The following ERBB4 variants were observed in gnomAD, a reference collection of about 807,000 sequenced individuals.
The protein encoded by ERBB4 is erb-b2 receptor tyrosine kinase 4.
A neutral mutation model predicts 158.0 loss-of-function variants in ERBB4; 42 were observed. The observed-to-expected ratio is 0.27, with a 90% CI of 0.21 to 0.34. ERBB4 has a LOEUF of 0.34. Among genes scored for constraint, ERBB4 ranks in the 10% least tolerant of loss-of-function variants. ERBB4 has a pLI of 1.00. For synonymous variants in ERBB4, 583 were observed against 558.7 expected, an observed-to-expected ratio of 1.04 and a Z score of -0.61; for missense variants, 1,333 against 1,624.1, an observed-to-expected ratio of 0.82 and a Z score of 3.08.
chr2:211,786,380 A>C (rs2106314748), intron 4 of ERBB4, among the ~76,000 whole-genome samples: 1 of 152,326 alleles, frequency 6.6e-6, no homozygotes. Context: ...AGCAAATAAA[A>C]CTACTATGTA....
At chr2:211,980,568 T>C (rs2081762516) in intron 2 of ERBB4, among the ~76,000 whole-genome samples, 1 of 152,174 alleles carries the variant, frequency 6.6e-6, no homozygotes, top group African/African-American at 2.4e-5. Flanking sequence ...TAGTATTTAG[T>C]GAAAAGATTT....
At chr2:212,208,914 T>C (rs544312834) in intron 1 of ERBB4, among the ~76,000 whole-genome samples, 1 of 152,280 alleles carries the variant, frequency 6.6e-6, no homozygotes, top group East Asian at 1.9e-4. Flanking sequence ...TTTTATACTT[T>C]AAGGAAACTA....
chr2:211,957,047 T>G (rs2081054293), intron 2 of ERBB4, among the ~76,000 whole-genome samples: 1 of 151,906 alleles, frequency 6.6e-6, no homozygotes, highest in African/African-American at 2.4e-5. Flanking sequence ...TGTGGCTGGT[T>G]TTGAACTCCT....
At chr2:212,468,841 G>A (rs1418711392) in intron 1 of ERBB4, among the ~76,000 whole-genome samples, 1 of 152,116 alleles carries the variant, frequency 6.6e-6, no homozygotes, top group East Asian at 1.9e-4. Flanking sequence ...ACAACCATTT[G>A]AACAGGACAG....
chr2:212,034,969 C>T (rs1290170111), intron 2 of ERBB4, among the ~76,000 whole-genome samples: 1 of 152,084 alleles, frequency 6.6e-6, no homozygotes, highest in Non-Finnish European at 1.5e-5. Flanking sequence ...TATGTTAATT[C>T]CTTGCTGATT....
chr2:212,078,760 C>G (rs2078345989), intron 2 of ERBB4, among the ~76,000 whole-genome samples: 1 of 151,340 alleles, frequency 6.6e-6, no homozygotes, highest in Non-Finnish European at 1.5e-5. Flanking sequence ...ACAAACACAA[C>G]TATTAATATT....
At chr2:212,046,996 A>T (rs574234773) in intron 2 of ERBB4, among the ~76,000 whole-genome samples, 2 of 152,284 alleles carry the variant, frequency 1.3e-5, no homozygotes, top group African/African-American at 4.8e-5. Flanking sequence ...AAGCACAAAG[A>T]GCTGAGTGCA....
chr2:211,977,873 A>AAG (rs397936945), intron 2 of ERBB4, among the ~76,000 whole-genome samples: 1 of 148,286 alleles, frequency 6.7e-6, no homozygotes, highest in Non-Finnish European at 1.5e-5. Flanking sequence ...AAAAAAAAAA[A>AAG]GCAACTTGAA....
At chr2:212,349,046 T>A (rs1328834327) in intron 1 of ERBB4, among the ~76,000 whole-genome samples, 1 of 152,100 alleles carries the variant, frequency 6.6e-6, no homozygotes, top group Admixed American at 6.6e-5. Flanking sequence ...CAATATTTTA[T>A]TTCGAAAAGG....
In ERBB4 at chr2:211,938,266, T is replaced by C. The variant is rs181649686; in HGVS notation, c.421+9164A>G. Among the ~76,000 whole-genome samples the C allele has an allele frequency of 1.4e-4, 21 of 152,186 alleles. 1 individual carries two copies. The highest frequency in any genetic ancestry group is 3.9e-4 in the Admixed American group (6 of 15,270). On this transcript the variant is annotated intron_variant, in intron 3 of 27. Coordinates refer to ENST00000342788, the MANE Select transcript of ERBB4 (RefSeq NM_005235.3). The stretch of plus-strand genomic sequence containing the variant: ...ATCTTACAACTGAGCATCCTTGTTA[T>C]GTTCATTTGAAGATAAGGAAACTGA...
chr2:211,869,526 C>A (rs557364955), intron 3 of ERBB4, among the ~76,000 whole-genome samples: 1 of 152,254 alleles, frequency 6.6e-6, no homozygotes, highest in Non-Finnish European at 1.5e-5. Flanking sequence ...TCTATCACTA[C>A]AAAAGTGAGT....
intron 1 of ERBB4, among the ~76,000 whole-genome samples, chr2:212,307,155 A>C (rs1383576247): frequency 6.6e-6 from 1 of 151,242 alleles, no homozygotes; most frequent in East Asian, 2.0e-4. Flanking sequence ...TCAGTCATTT[A>C]GTCTCTCAAA....
At chr2:211,872,370 A>G (rs902144365) in intron 3 of ERBB4, among the ~76,000 whole-genome samples, 1 of 152,148 alleles carries the variant, frequency 6.6e-6, no homozygotes, top group Non-Finnish European at 1.5e-5. Context: ...GTGTGTACCT[A>G]TGTATGGTTT....
chr2:211,398,660 A>G (rs1460552974), intron 25 of ERBB4, among the ~76,000 whole-genome samples: 2 of 152,082 alleles, frequency 1.3e-5, no homozygotes, highest in African/African-American at 2.4e-5. Context: ...GTGAAACCCC[A>G]TCTCTACTAA....
At chr2:212,260,791 C>T (rs935053062) in intron 1 of ERBB4, among the ~76,000 whole-genome samples, 11 of 150,876 alleles carry the variant, frequency 7.3e-5, no homozygotes, top group African/African-American at 2.4e-4. Flanking sequence ...CCAGCCTAGG[C>T]GACAGAACGA....
intron 4 of ERBB4, among the ~76,000 whole-genome samples, chr2:211,761,735 A>G (rs1439985397): frequency 2.0e-5 from 3 of 152,236 alleles, no homozygotes; most frequent in Non-Finnish European, 4.4e-5. Flanking sequence ...TAGAGCTCAC[A>G]GTTTAGGAAA....
At chr2:211,765,672 T>C (rs911813954) in intron 4 of ERBB4, among the ~76,000 whole-genome samples, 1 of 152,216 alleles carries the variant, frequency 6.6e-6, no homozygotes, top group African/African-American at 2.4e-5. Flanking sequence ...ACTAAGAATG[T>C]ATAGCAAGTC....
chr2:211,914,925 T>C (rs1231360399), intron 3 of ERBB4, among the ~76,000 whole-genome samples: 1 of 152,136 alleles, frequency 6.6e-6, no homozygotes, highest in East Asian at 1.9e-4. Flanking sequence ...TGTTAATATG[T>C]ACTTGCTTTC....
At chr2:212,425,747 G>A (rs1428003161) in intron 1 of ERBB4, among the ~76,000 whole-genome samples, 1 of 151,810 alleles carries the variant, frequency 6.6e-6, no homozygotes, top group Admixed American at 6.6e-5. Flanking sequence ...ATCTATCAAT[G>A]AACAACATCT....
Sources: gnomAD v4.1 joint callset for allele counts (sites outside exome capture counted in the v4.1 genomes callset) on GRCh38, gnomAD v4.1.1 for gene constraint, MANE v1.5 for transcripts, NCBI Gene and HGNC (gene_info 2026-07-23, HGNC 2026-07-21) for gene names.